DNER: variants seen among roughly 807,000 people sequenced by gnomAD.
DNER encodes delta and Notch-like epidermal growth factor-related receptor.
A neutral mutation model predicts 78.2 loss-of-function variants in DNER; 33 were observed. The observed-to-expected ratio is 0.42, with a 90% CI of 0.32 to 0.56. DNER has a LOEUF of 0.56. Among genes scored for constraint, DNER ranks in the 20% least tolerant of loss-of-function variants. The pLI is 0.11. For missense variants in DNER, 918 were observed against 975.3 expected (o/e 0.94, Z 0.78); for synonymous variants, 417 against 384.8 (o/e 1.08, Z -0.98).
chr2:229,648,249 T>C (rs573688670), intron 1 of DNER, among the ~76,000 whole-genome samples: 12 of 152,242 alleles, frequency 7.9e-5, no homozygotes, highest in Non-Finnish European at 1.8e-4. Flanking sequence ...ACCAGGATCA[T>C]GTTTGCAACC....
intron 1 of DNER, among the ~76,000 whole-genome samples, chr2:229,711,996 G>A (rs6756478): frequency 0.81 from 123,080 of 152,174 alleles, 49,960 homozygotes; most frequent in African/African-American, 0.87. Flanking sequence ...TTTATGGATT[G>A]TAAGGCCCTG....
At chr2:229,555,314 GC>G (rs1235085528) in intron 4 of DNER, among the ~76,000 whole-genome samples, 1 of 151,924 alleles carries the variant, frequency 6.6e-6, no homozygotes, top group African/African-American at 2.4e-5. Context: ...TTCCTTTATG[GC>G]CCTGAACCAT....
chr2:229,558,755 G>A (rs564905676), intron 4 of DNER, among the ~76,000 whole-genome samples: 14 of 152,256 alleles, frequency 9.2e-5, no homozygotes, highest in African/African-American at 3.4e-4. Context: ...CCGAGGTCAA[G>A]GTAGGAGGTA....
rs759614367 is a variant in DNER, at chr2:229,422,335, A to T, written c.1487-4105T>A. On this transcript the variant is annotated intron_variant, in intron 8 of 12. Transcript: ENST00000341772. ...AATTAGGCTAATCCAAAGATTTTTT[A>T]AAAATAAAATAAACAATCAAAGGGT... 3.5e-4 allele frequency among the ~76,000 whole-genome samples: 54 copies of T among 152,368 alleles called. No individual in the cohort carries two copies. The Middle Eastern group carries it at 0.024, about 67-fold the overall frequency.
At chr2:229,422,786 T>C (rs1693794275) in intron 8 of DNER, among the ~76,000 whole-genome samples, 1 of 149,560 alleles carries the variant, frequency 6.7e-6, no homozygotes. Flanking sequence ...AAGAAGAAAA[T>C]GGAAGGGAAA....
At chr2:229,442,594 A>G (rs905464386) in intron 8 of DNER, among the ~76,000 whole-genome samples, 23 of 152,316 alleles carry the variant, frequency 1.5e-4, no homozygotes, top group Admixed American at 5.2e-4. Context: ...TATACTTACT[A>G]TACTTATCCA....
rs117640331 is a variant in DNER at position 229,609,509 on chromosome 2, C to T, written c.277-17621G>A. On this transcript the variant is annotated intron_variant, in intron 1 of 12. Transcript: ENST00000341772. ...AACACAACCACACTCATTCGTTTTA[C>T]ATATTATCTGGCTGCCTTCACATGG... is the stretch of plus-strand genomic sequence containing the variant. 6.8e-4 allele frequency among the ~76,000 whole-genome samples: 103 copies of T among 152,330 alleles called. 2 individuals carry two copies. The East Asian group carries it at 0.018, about 27-fold the overall frequency.
chr2:229,621,280 G>A (rs1388173207), intron 1 of DNER, among the ~76,000 whole-genome samples: 2 of 152,006 alleles, frequency 1.3e-5, no homozygotes, highest in South Asian at 2.1e-4. Flanking sequence ...CCTACATACC[G>A]TTGTCAAAGT....
chr2:229,468,670 T>G (rs1350451662), intron 7 of DNER, among the ~76,000 whole-genome samples: 1 of 152,096 alleles, frequency 6.6e-6, no homozygotes, highest in Non-Finnish European at 1.5e-5. Context: ...ATAATAAAAC[T>G]CCTGTCTCCT....
In DNER at chr2:229,388,347, G is replaced by A; in HGVS notation, c.1773C>T (p.His591=). 4 of 1,612,420 alleles carry A rather than the reference G, an allele frequency of 2.5e-6. No homozygotes were observed. Among genetic ancestry groups the A allele is most frequent in the Non-Finnish European group, 3.4e-6 (4 of 1,179,146 alleles). The change falls in exon 11 of 13, where the codon CAC becomes CAT. Residue 591 remains histidine (H), a synonymous_variant. Transcript: ENST00000341772. The part of the protein sequence containing the change: ...DINECDSNPC[H]HGGSCLDQPN... ...GCTGGTCCAGGCAGCTCCCACCATG[G>A]TGGCAGGGGTTACTGTCACATTCAT...
chr2:229,479,760 C>G (rs1005684761), intron 6 of DNER, among the ~76,000 whole-genome samples: 1 of 151,456 alleles, frequency 6.6e-6, no homozygotes, highest in Non-Finnish European at 1.5e-5. Context: ...AATATTCATC[C>G]ATAACTTACA....
At chr2:229,697,134 T>C (rs1054447772) in intron 1 of DNER, among the ~76,000 whole-genome samples, 1 of 152,190 alleles carries the variant, frequency 6.6e-6, no homozygotes, top group Non-Finnish European at 1.5e-5. Context: ...CAAAATGTGA[T>C]ATATATGAAC....
chr2:229,579,931 G>C (rs1697364938), intron 4 of DNER, among the ~76,000 whole-genome samples: 1 of 152,140 alleles, frequency 6.6e-6, no homozygotes, highest in East Asian at 1.9e-4. Flanking sequence ...TGAAGGGCCA[G>C]AGCACCAGGA....
chr2:229,377,440 G>C (rs751524690), intron 11 of DNER, among the ~76,000 whole-genome samples: 1 of 152,182 alleles, frequency 6.6e-6, no homozygotes, highest in Non-Finnish European at 1.5e-5. Context: ...TTGATTCTAG[G>C]AAGGCATATT....
At chr2:229,561,363 C>T (rs1696956730) in intron 4 of DNER, among the ~76,000 whole-genome samples, 1 of 152,138 alleles carries the variant, frequency 6.6e-6, no homozygotes, top group Non-Finnish European at 1.5e-5. Context: ...TCCTAGCAAA[C>T]ATACAATCAA....
intron 11 of DNER, among the ~76,000 whole-genome samples, chr2:229,378,448 C>T (rs929897702): frequency 8.5e-5 from 13 of 152,158 alleles, no homozygotes; most frequent in African/African-American, 2.9e-4. Context: ...CAGGGATGAC[C>T]TTGACCTGCT....
intron 4 of DNER, among the ~76,000 whole-genome samples, 181 bp from the exon 5 acceptor site, chr2:229,547,273 C>T (rs1696645979): frequency 6.6e-6 from 1 of 152,166 alleles, no homozygotes; most frequent in Non-Finnish European, 1.5e-5. Context: ...TCCACTGAGA[C>T]CTCAGGACTT....
chr2:229,561,710 A>T (rs1185788316), intron 4 of DNER, among the ~76,000 whole-genome samples: 1 of 152,194 alleles, frequency 6.6e-6, no homozygotes, highest in East Asian at 1.9e-4. Flanking sequence ...CTCCATTAAT[A>T]TTAGACTAAG....
Position 229,595,748 on chromosome 2 carries a change from A to G in DNER, c.277-3860T>C, listed in dbSNP as rs1175310069. ...CCTGCCCCAGGGCCTTTGCACCGGC[A>G]GTACCCTCTGCCGGGAATGCCTTGC... On this transcript the variant is annotated intron_variant, in intron 1 of 12. Transcript: ENST00000341772. Among the ~76,000 whole-genome samples, 3 of 152,188 alleles carry G rather than the reference A, an allele frequency of 2.0e-5. No individual in the cohort carries two copies. In the East Asian group the frequency reaches 5.8e-4, roughly 29 times the overall value.
Sources: gnomAD v4.1 joint callset for allele counts (sites outside exome capture counted in the v4.1 genomes callset) on GRCh38, gnomAD v4.1.1 for gene constraint, MANE v1.5 for transcripts, NCBI Gene and HGNC (gene_info 2026-07-23, HGNC 2026-07-21) for gene names.